The following PLB1 variants were observed in gnomAD, a reference collection of about 807,000 sequenced individuals.
PLB1 encodes phospholipase B1, membrane-associated.
A neutral mutation model predicts 227.4 loss-of-function variants in PLB1; 242 were observed. The ratio of observed to expected loss-of-function variants is 1.06; its 90% CI spans 0.96 to 1.18. The LOEUF is 1.18. PLB1 is among the 50% of genes most tolerant of loss of function. The probability of loss-of-function intolerance (pLI) is 0.00; values close to 1 mark genes in which losing one functional copy is unlikely to be tolerated. For synonymous variants in PLB1, 757 were observed against 682.2 expected, an observed-to-expected ratio of 1.11 and a Z score of -1.71; for missense variants, 1,858 against 1,816.3, an observed-to-expected ratio of 1.02 and a Z score of -0.42.
At chr2:28,577,322 C>T (rs1366590958) in intron 21 of PLB1, among the ~76,000 whole-genome samples, 1 of 152,184 alleles carries the variant, frequency 6.6e-6, no homozygotes, top group Non-Finnish European at 1.5e-5. Context: ...GAATTTAAGT[C>T]ACTTTCACAC....
rs984617644 is a variant in PLB1 at position 28,520,265 on chromosome 2, T to C, written c.243+502T>C. 2.0e-5 allele frequency among the ~76,000 whole-genome samples: 3 copies of C among 151,840 alleles called. No homozygotes were observed. In the East Asian group the frequency reaches 5.8e-4, roughly 29 times the overall value. ...TTTTTTTAAATCAAATGAATGCCTC[T>C]CTTTACATCAAGGTGAGGAAACTTT... On this transcript the variant is annotated intron_variant, in intron 4 of 57. Coordinates refer to ENST00000327757, the MANE Select transcript of PLB1 (RefSeq NM_153021.5).
At chr2:28,543,507 C>G (rs1672798612) in intron 14 of PLB1, among the ~76,000 whole-genome samples, 1 of 152,224 alleles carries the variant, frequency 6.6e-6, no homozygotes, top group African/African-American at 2.4e-5. Context: ...TCACAGGAGC[C>G]TCAGCCCTGG....
intron 12 of PLB1, 131 bp downstream of exon 12, chr2:28,540,572 G>A: frequency 1.4e-6 from 1 of 726,258 alleles, no homozygotes; most frequent in South Asian, 1.6e-5. Context: ...TCAGGACTAA[G>A]TCAGGAGCAA....
rs1227016617 is a variant in PLB1 at position 28,643,280 on chromosome 2, C to G, written c.*219C>G. 1 of 451,888 alleles carries G rather than the reference C, an allele frequency of 2.2e-6. No individual in the cohort carries two copies. The highest frequency in any genetic ancestry group is 3.9e-6 in the Non-Finnish European group (1 of 256,036). The allele number at this position is 451,888 out of a possible 1,614,324, so 28.0% of individuals were successfully genotyped here. ...CAAAGCTATTTTATTCCTGGGTTTG[C>G]CTGCGTGAAGCACTCACCTTCCATC... On this transcript the variant is annotated 3_prime_UTR_variant, in exon 58 of 58. Transcript: ENST00000327757.
Position 28,601,964 on chromosome 2 carries a change from G to C in PLB1, c.2673G>C (p.Glu891Asp). 1 of 1,609,044 alleles carries C rather than the reference G, an allele frequency of 6.2e-7. No homozygotes were observed. The highest frequency in any genetic ancestry group is 8.5e-7 in the Non-Finnish European group (1 of 1,175,504). Residue 891 changes from glutamate (E) to aspartate (D), a missense_variant and splice_region_variant, in exon 38 of 58, where the codon GAG becomes GAC. Physicochemically the swap from Glu to Asp is conservative, Grantham distance 45. Coordinates refer to ENST00000327757, the MANE Select transcript of PLB1 (RefSeq NM_153021.5). ...ATGCCTTGGACGTCCTGCATAGAGA[G>C]GTGGGTGGGGGGCTTCCACAAGCTG... ...LRNALDVLHR[E>D]VPRVLVNLVD... is the part of the protein sequence containing the mutation.
In PLB1 at chr2:28,603,863, C is replaced by T. The variant is rs940848478; in HGVS notation, c.2775-103C>T. 5.0e-5 allele frequency: 52 copies of T among 1,041,022 alleles called. 1 individual carries two copies. Among genetic ancestry groups the T allele is most frequent in the Middle Eastern group, 2.8e-4 (1 of 3,608 alleles). 64.5% of individuals were successfully genotyped at this position (1,041,022 alleles called of 1,614,324 possible). On this transcript the variant is annotated intron_variant, in intron 39 of 57. Transcript: ENST00000327757. ...AGGCTTGAGTGCTCCTAAACCAGGG[C>T]GGGAGGGAGCCTCTCCACCCCTCCC...
chr2:28,528,941 CTTTTTTTTTTTT>C (rs201087238), intron 6 of PLB1, among the ~76,000 whole-genome samples: 13 of 109,434 alleles, frequency 1.2e-4, no homozygotes, highest in African/African-American at 4.6e-4. Context: ...GGGAGTCAGT[CTTTTTTTTTTTT>C]TTTTTTTTTT....
At chr2:28,573,051 T>G in intron 20 of PLB1, 146 bp from the exon 21 acceptor site, 1 of 631,246 alleles carries the variant, frequency 1.6e-6, no homozygotes, top group South Asian at 1.8e-5. Flanking sequence ...GCTGAACATT[T>G]TCTTCCCATG....
At chr2:28,632,750 C>T (rs1472116022) in intron 55 of PLB1, among the ~76,000 whole-genome samples, 194 bp from the exon 56 acceptor site, 3 of 150,796 alleles carry the variant, frequency 2.0e-5, no homozygotes, top group African/African-American at 7.4e-5. Flanking sequence ...TGCGAAACTC[C>T]GTCTCAAAAA....
chr2:28,601,952 C>T lies in PLB1; in HGVS notation c.2661C>T (p.Val887=). ...FVHHLRNALD[V]LHREVPRVLV... The stretch of plus-strand genomic sequence containing the variant: ...ACCATCTCCGCAATGCCTTGGACGT[C>T]CTGCATAGAGAGGTGGGTGGGGGGC... Residue 887 remains valine, a synonymous_variant, in exon 38 of 58, where the codon GTC becomes GTT. Transcript: ENST00000327757. 1 of 1,611,116 alleles carries T rather than the reference C, an allele frequency of 6.2e-7. No individual in the cohort carries two copies. Among genetic ancestry groups the T allele is most frequent in the Non-Finnish European group, 8.5e-7 (1 of 1,177,378 alleles).
At chr2:28,552,786 T>C (rs915316601) in intron 16 of PLB1, 142 bp from the exon 17 acceptor site, 4 of 671,804 alleles carry the variant, frequency 6.0e-6, no homozygotes, top group Non-Finnish European at 1.1e-5. Flanking sequence ...ATATGAGTGT[T>C]GAAGGAGAGG....
chr2:28,524,844 CTTTT>C (rs779955635), intron 4 of PLB1, among the ~76,000 whole-genome samples: 3 of 106,580 alleles, frequency 2.8e-5, no homozygotes, highest in East Asian at 2.9e-4. Flanking sequence ...CTCTCTCTCT[CTTTT>C]TTTTTTTTTT....
intron 43 of PLB1, among the ~76,000 whole-genome samples, chr2:28,612,769 A>ATTTTTTTTTT (rs10557060): frequency 2.4e-5 from 3 of 124,904 alleles, no homozygotes; most frequent in African/African-American, 3.1e-5. Context: ...CCACACCTGG[A>ATTTTTTTTTT]TTTTTTTTTT....
At chr2:28,572,284 C>G (rs926087113) in intron 20 of PLB1, among the ~76,000 whole-genome samples, 5 of 152,170 alleles carry the variant, frequency 3.3e-5, no homozygotes, top group Admixed American at 3.3e-4. Context: ...AATTGAAGCC[C>G]TTGTAAACTG....
At chr2:28,625,257 G>T in intron 50 of PLB1, 149 bp downstream of exon 50, 1 of 729,068 alleles carries the variant, frequency 1.4e-6, no homozygotes, top group East Asian at 3.0e-5. Flanking sequence ...TACCAAGGAG[G>T]CGCCTGCCCT....
rs368023657 is a variant in PLB1 at position 28,629,204 on chromosome 2, G to A, written c.3818+19G>A. 161 of 1,610,142 alleles carry A rather than the reference G, an allele frequency of 1.0e-4. No homozygotes were observed. Among genetic ancestry groups the A allele is most frequent in the Admixed American group, 1.7e-4 (10 of 59,682 alleles). ...CAGCTCAGTAAGTGGACAGGTCACC[G>A]TCCCAAGGCAAGGGCACCTGGGGTG... On this transcript the variant is annotated intron_variant, in intron 53 of 57. Transcript: ENST00000327757.
intron 1 of PLB1, among the ~76,000 whole-genome samples, chr2:28,510,418 G>T (rs1668096748): frequency 6.6e-6 from 1 of 152,004 alleles, no homozygotes; most frequent in Admixed American, 6.6e-5. Context: ...TCTGCCAAGG[G>T]GCAGCTTGCT....
At chr2:28,630,951 T>A (rs1295498005) in intron 54 of PLB1, among the ~76,000 whole-genome samples, 20 of 151,940 alleles carry the variant, frequency 1.3e-4, no homozygotes, top group Non-Finnish European at 1.5e-5. Context: ...CCCAGAGCCA[T>A]GTGTAATAAT....
Position 28,519,715 on chromosome 2 carries a change from G to C in PLB1, c.195G>C (p.Leu65=). 1 of 1,610,480 alleles carries C rather than the reference G, an allele frequency of 6.2e-7. No individual in the cohort carries two copies. Among genetic ancestry groups the C allele is most frequent in the Non-Finnish European group, 8.5e-7 (1 of 1,176,930 alleles). The change falls in exon 4 of 58, where the codon CTG becomes CTC. Residue 65 remains leucine (L), a synonymous_variant. Coordinates refer to ENST00000327757, the MANE Select transcript of PLB1 (RefSeq NM_153021.5). ...VNMPSKSVHS[L]KPSDIKFVAA... The stretch of plus-strand genomic sequence containing the variant: ...TTCTTGTCTCCACAGTTCACTCTCT[G>C]AAGCCTTCTGATATTAAATTTGTGG...
Sources: allele counts gnomAD v4.1 joint callset (sites outside exome capture counted in the v4.1 genomes callset), GRCh38; gene constraint gnomAD v4.1.1; transcripts MANE v1.5; gene names NCBI Gene and HGNC (gene_info 2026-07-23, HGNC 2026-07-21).